FSIP2: variants seen among roughly 807,000 people sequenced by gnomAD.
FSIP2 encodes the protein fibrous sheath interacting protein 2.
In FSIP2, 367 loss-of-function variants were observed where a neutral mutation model predicts 510.5. That is an observed-to-expected ratio of 0.72 (90% CI 0.66 to 0.78). The LOEUF (loss-of-function observed/expected upper bound fraction) is 0.78. Ranked by LOEUF, FSIP2 falls within the 30% of genes least tolerant of loss-of-function variation. The pLI is 0.00. For missense variants in FSIP2, 7,594 were observed against 7,901.7 expected, an observed-to-expected ratio of 0.96 and a Z score of 1.48; for synonymous variants, 2,601 against 2,732.2, an observed-to-expected ratio of 0.95 and a Z score of 1.50.
In FSIP2 at chr2:185,807,062, CCT is replaced by C; in HGVS notation, c.17759_17760del (p.Ser5920CysfsTer3). 1 of 1,591,372 alleles carries C rather than the reference CCT, an allele frequency of 6.3e-7. No individual in the cohort carries two copies. Among genetic ancestry groups the C allele is most frequent in the Non-Finnish European group, 8.5e-7 (1 of 1,172,226 alleles). On this transcript the variant is annotated frameshift_variant, in exon 17 of 23. Coordinates refer to ENST00000424728, the MANE Select transcript of FSIP2 (RefSeq NM_173651.4). LOFTEE classifies it high-confidence loss of function. The stretch of plus-strand genomic sequence containing the variant: ...ACATTGGTCAATAAAGTTGTTCACT[CCT>C]CTGTTTGTAATATTTTAAATGACTA...
At chr2:185,809,366 C>T (rs1215343792) in intron 17 of FSIP2, among the ~76,000 whole-genome samples, 1 of 151,936 alleles carries the variant, frequency 6.6e-6, no homozygotes, top group Non-Finnish European at 1.5e-5. Flanking sequence ...TAAGACAATC[C>T]TTTTGAAAGT....
At position 185,738,873 on chromosome 2, in the gene FSIP2, G is replaced by A. The variant is rs552562322; in HGVS notation, c.-22G>A. On this transcript the variant is annotated 5_prime_UTR_variant, in exon 1 of 23. Transcript: ENST00000424728. The stretch of plus-strand genomic sequence containing the variant: ...AGGAGAGCGGGGCGGGTGAGGAAGG[G>A]GCTGAGGGGGCTGTGCCGGCCATGG... 208 of 1,518,102 alleles carry A rather than the reference G, an allele frequency of 1.4e-4. 3 individuals carry two copies. Among genetic ancestry groups the A allele is most frequent in the Admixed American group, 1.3e-3 (63 of 48,628 alleles). The allele number at this position is 1,518,102 out of a possible 1,614,324, so 94.0% of individuals were successfully genotyped here. A position where few individuals can be genotyped will look rare whatever the true frequency, so the allele number is the denominator to read the frequency against.
intron 9 of FSIP2, among the ~76,000 whole-genome samples, chr2:185,758,187 A>G (rs1420256635): frequency 6.6e-6 from 1 of 151,290 alleles, no homozygotes; most frequent in East Asian, 1.9e-4. Context: ...TTTCCATTGT[A>G]TGGATGCACC....
intron 7 of FSIP2, among the ~76,000 whole-genome samples, chr2:185,752,824 C>A (rs1328599747): frequency 6.6e-6 from 1 of 151,296 alleles, no homozygotes; most frequent in African/African-American, 2.4e-5. Flanking sequence ...GTCATATTCC[C>A]CTGCTTCTTT....
chr2:185,804,577 ATC>A lies in FSIP2; in HGVS notation c.15272_15273del (p.Ile5091AsnfsTer6). On this transcript the variant is annotated frameshift_variant, in exon 17 of 23. Coordinates refer to ENST00000424728, the MANE Select transcript of FSIP2 (RefSeq NM_173651.4). LOFTEE classifies it high-confidence loss of function. Reference protein sequence around the residue: ...SSYSYPQADNIIRNVLNIITK... With the variant: ...SSYSYPQADNXIRNVLNIITK... ...TTATTCGTATCCCCAAGCTGATAAT[ATC>A]ATCAGAAATGTGCTTAACATAATCA... 6.5e-7 allele frequency: 1 copy of A among 1,532,634 alleles called. No homozygotes were observed. Among genetic ancestry groups the A allele is most frequent in the Non-Finnish European group, 8.7e-7 (1 of 1,144,766 alleles). The allele number at this position is 1,532,634 out of a possible 1,614,324, so 94.9% of individuals were successfully genotyped here.
intron 18 of FSIP2, among the ~76,000 whole-genome samples, 191 bp downstream of exon 18, chr2:185,814,233 TA>T (rs1293659969): frequency 6.6e-6 from 1 of 151,940 alleles, no homozygotes; most frequent in Non-Finnish European, 1.5e-5. Flanking sequence ...AAGCAGGTAA[TA>T]GGGGAAAAAC....
At chr2:185,831,217 C>T (rs182522684) in intron 21 of FSIP2, among the ~76,000 whole-genome samples, 1 of 151,858 alleles carries the variant, frequency 6.6e-6, no homozygotes, top group Non-Finnish European at 1.5e-5. Flanking sequence ...TTTAGAATAG[C>T]TTCAGAATAG....
chr2:185,767,647 TA>T (rs1158405755), intron 13 of FSIP2, among the ~76,000 whole-genome samples: 1 of 152,160 alleles, frequency 6.6e-6, no homozygotes, highest in East Asian at 1.9e-4. Context: ...AATAGTATTG[TA>T]TTATATCTGT....
intron 13 of FSIP2, among the ~76,000 whole-genome samples, chr2:185,772,464 C>T (rs1692623707): frequency 6.6e-6 from 1 of 152,310 alleles, no homozygotes; most frequent in Non-Finnish European, 1.5e-5. Context: ...AAAGCTTCCA[C>T]TCATGGCAGA....
rs980817533 is a variant in FSIP2 at position 185,802,641 on chromosome 2, T to C, written c.13335T>C (p.Ser4445=). 6.0e-5 allele frequency: 92 copies of C among 1,533,616 alleles called. No homozygotes were observed. The highest frequency in any genetic ancestry group is 7.9e-5 in the Non-Finnish European group (90 of 1,145,344). ...VAENIVQDIL[S]NISKSTEPSQ... ...AGAATATTGTTCAGGACATCCTTAGTAACATCAGTAAATCTACTGAGCCAA... is the reference window on the plus strand; with the variant it reads ...AGAATATTGTTCAGGACATCCTTAGCAACATCAGTAAATCTACTGAGCCAA... Residue 4445 remains serine (S), a synonymous_variant, in exon 17 of 23, where the codon AGT becomes AGC. Transcript: ENST00000424728.
chr2:185,764,365 T>G, intron 12 of FSIP2, 137 bp from the exon 13 acceptor site: 1 of 529,074 alleles, frequency 1.9e-6, no homozygotes, highest in South Asian at 2.9e-5. Flanking sequence ...AAACGTGCAT[T>G]TCTTATAAAT....
In FSIP2 at chr2:185,746,794, G is replaced by A. The variant is rs552474258; in HGVS notation, c.743G>A (p.Arg248His). The A allele has an allele frequency of 4.0e-5, 60 of 1,515,298 alleles. No individual in the cohort carries two copies. The highest frequency in any genetic ancestry group is 9.8e-5 in the East Asian group (4 of 40,798). 93.9% of individuals were successfully genotyped at this position (1,515,298 alleles called of 1,614,324 possible). A position where few individuals can be genotyped will look rare whatever the true frequency, so the allele number is the denominator to read the frequency against. Residue 248 changes from arginine to histidine, a missense_variant, in exon 6 of 23, where the codon CGT (arginine) becomes CAT (histidine). Physicochemically the swap from Arg to His is conservative, Grantham distance 29. Coordinates refer to ENST00000424728, the MANE Select transcript of FSIP2 (RefSeq NM_173651.4). ...CACACAAGAAGAAAACTTACTCTTC[G>A]TAGAAAAATAGAAGAGGTGAGAGAC... ...REHTRRKLTL[R>H]RKIEEEWKTK...
chr2:185,767,534 C>T (rs1193794341), intron 13 of FSIP2, among the ~76,000 whole-genome samples: 2 of 151,962 alleles, frequency 1.3e-5, no homozygotes, highest in Non-Finnish European at 2.9e-5. Flanking sequence ...TAAATCATGC[C>T]GTTTTTAGTC....
Position 185,807,892 on chromosome 2 carries a change from A to G in FSIP2, c.18586A>G (p.Lys6196Glu). Residue 6196 changes from lysine to glutamate, a missense_variant, in exon 17 of 23, where the codon AAA becomes GAA. Transcript: ENST00000424728. ...ATCAAAGCTTTTATCTATATTTCCA[A>G]AAGTACATAAAGAAAGAACAAAATC... is the stretch of plus-strand genomic sequence containing the variant. The part of the protein sequence containing the change: ...FLSKLLSIFP[K>E]VHKERTKSLE... 1 of 1,602,100 alleles carries G rather than the reference A, an allele frequency of 6.2e-7. No homozygotes were observed. The highest frequency in any genetic ancestry group is 8.5e-7 in the Non-Finnish European group (1 of 1,175,844).
intron 13 of FSIP2, among the ~76,000 whole-genome samples, chr2:185,782,402 A>G (rs1188738305): frequency 2.6e-5 from 4 of 152,224 alleles, no homozygotes; most frequent in African/African-American, 9.6e-5. Flanking sequence ...AAGAAATTGC[A>G]AAACCACAGT....
rs1422514977 is a variant in FSIP2, at chr2:185,774,690, C to A, written c.1412-8015C>A. ...TGGTGTGCTGCACCCACTAACTCGT[C>A]ATCTAGCATTAGGTATATCTCCCAA... On this transcript the variant is annotated intron_variant, in intron 13 of 22. Coordinates refer to ENST00000424728, the MANE Select transcript of FSIP2 (RefSeq NM_173651.4). 1.1e-4 allele frequency among the ~76,000 whole-genome samples: 15 copies of A among 140,840 alleles called. No individual in the cohort carries two copies. In the East Asian group the frequency reaches 3.1e-3, roughly 29 times the overall value. The allele number at this position is 140,840 out of a possible 152,430, so 92.4% of individuals were successfully genotyped here.
At chr2:185,753,397 C>A (rs1329309816) in intron 7 of FSIP2, among the ~76,000 whole-genome samples, 1 of 151,236 alleles carries the variant, frequency 6.6e-6, no homozygotes, top group African/African-American at 2.4e-5. Context: ...TTTGGTTAAG[C>A]CCTCAGGAAT....
intron 19 of FSIP2, among the ~76,000 whole-genome samples, chr2:185,820,419 G>A (rs1693894125): frequency 6.6e-6 from 1 of 151,510 alleles, no homozygotes; most frequent in African/African-American, 2.4e-5. Flanking sequence ...AGCAGCATGA[G>A]AACAGACTAA....
rs778162167 is a variant in FSIP2, at chr2:185,800,093, T to C, written c.10787T>C (p.Val3596Ala). 2.3e-5 allele frequency: 35 copies of C among 1,533,758 alleles called. No individual in the cohort carries two copies. The highest frequency in any genetic ancestry group is 3.1e-5 in the Non-Finnish European group (35 of 1,145,382). ...AAATACACTTACTGTCCAGGAATAGTTTCTGGTGGCTTTGATGACCTCTTT... is the reference window on the plus strand; with the variant it reads ...AAATACACTTACTGTCCAGGAATAGCTTCTGGTGGCTTTGATGACCTCTTT... ...PTKYTYCPGI[V>A]SGGFDDLFQD... The change falls in exon 17 of 23, where the codon GTT becomes GCT. Residue 3596 changes from valine (V) to alanine (A), a missense_variant. Physicochemically the swap from Val to Ala is moderately conservative, Grantham distance 64. Transcript: ENST00000424728.
Sources: gnomAD v4.1 joint callset for allele counts (sites outside exome capture counted in the v4.1 genomes callset) on GRCh38, gnomAD v4.1.1 for gene constraint, MANE v1.5 for transcripts, NCBI Gene and HGNC (gene_info 2026-07-23, HGNC 2026-07-21) for gene names.